The following FDFT1 variants were observed in gnomAD, a reference collection of about 807,000 sequenced individuals.
FDFT1 encodes the protein squalene synthase.
FDFT1 carries 68 observed loss-of-function variants against 46.8 expected under a neutral mutation model. The observed-to-expected ratio is 1.45, with a 90% CI of 1.19 to 1.78. The LOEUF is 1.78. Among genes scored for constraint, FDFT1 ranks in the 40% most tolerant of loss-of-function variants. FDFT1 has a pLI of 0.00. For missense variants in FDFT1, 928 were observed against 524.4 expected, an observed-to-expected ratio of 1.77 and a Z score of -7.52; for synonymous variants, 351 against 185.1, an observed-to-expected ratio of 1.90 and a Z score of -7.28.
At chr8:11,800,043 T>A (rs1245245172), upstream of FDFT1, among the ~76,000 whole-genome samples, 1 of 143,788 alleles carries the variant, frequency 7.0e-6, no homozygotes, top group African/African-American at 2.5e-5. Context: ...GGGTGGATCA[T>A]GAGGTCAGGA....
rs760854765 is a variant in FDFT1, at chr8:11,821,812, G to T, written c.444G>T (p.Arg148=). The T allele has an allele frequency of 3.1e-6, 5 of 1,613,672 alleles. No individual in the cohort carries two copies. The highest frequency in any genetic ancestry group is 4.2e-6 in the Non-Finnish European group (5 of 1,179,756). Residue 148 remains arginine (R), a synonymous_variant, in exon 4 of 8, where the codon CGG becomes CGT. Transcript: ENST00000220584. The stretch of plus-strand genomic sequence containing the variant: ...AAACAGTGATTGCCGACATTTGCCG[G>T]AGAATGGGCATTGGGATGGCAGAGT... ...KYQTVIADIC[R]RMGIGMAEFL... is the part of the protein sequence containing the mutation.
intron 1 of FDFT1, among the ~76,000 whole-genome samples, chr8:11,806,767 A>AAG (rs1806898924): frequency 1.3e-5 from 2 of 152,218 alleles, no homozygotes; most frequent in East Asian, 3.9e-4. Flanking sequence ...TCACTCTGAA[A>AAG]TCCTGCCTCT....
At chr8:11,831,336 G>T (rs1199148974) in intron 6 of FDFT1, among the ~76,000 whole-genome samples, 182 bp from the exon 7 acceptor site, 1 of 152,188 alleles carries the variant, frequency 6.6e-6, no homozygotes, top group Non-Finnish European at 1.5e-5. Flanking sequence ...AGAAAGGGAG[G>T]AGTGGGGAAG....
intron 3 of FDFT1, among the ~76,000 whole-genome samples, chr8:11,811,531 C>A (rs1350738783): frequency 6.6e-6 from 1 of 152,174 alleles, no homozygotes; most frequent in African/African-American, 2.4e-5. Flanking sequence ...GGGAATATCG[C>A]CGTCAGATTT....
intron 7 of FDFT1, among the ~76,000 whole-genome samples, chr8:11,836,351 C>G (rs933736721): frequency 2.1e-4 from 32 of 152,226 alleles, no homozygotes; most frequent in Admixed American, 1.3e-3. Flanking sequence ...CAACCAGTTT[C>G]CAAGTAGGGC....
In FDFT1 at chr8:11,823,511, C is replaced by A. The variant is rs575989402; in HGVS notation, c.510+1633C>A. ...TTTGTCCCAGAACAAATTTCAAGTG[C>A]TTTCTCTTCACCTGTGCATTCTTCC... On this transcript the variant is annotated intron_variant, in intron 4 of 7. Transcript: ENST00000220584. 5.3e-5 allele frequency among the ~76,000 whole-genome samples: 8 copies of A among 152,226 alleles called. No individual in the cohort carries two copies. In the South Asian group the frequency reaches 1.7e-3, roughly 32 times the overall value.
rs146313145 is a variant in FDFT1, at chr8:11,813,264, G to A, written c.381+3414G>A. On this transcript the variant is annotated intron_variant, in intron 3 of 7. Transcript: ENST00000220584. ...CCTGGTACTAGTGGAAAGCTAGAAG[G>A]CTTAGAAGTCTACCTGTAAACATAG... Among the ~76,000 whole-genome samples, 3 of 152,152 alleles carry A rather than the reference G, an allele frequency of 2.0e-5. No individual in the cohort carries two copies. The South Asian group carries it at 6.2e-4, about 32-fold the overall frequency.
intron 7 of FDFT1, among the ~76,000 whole-genome samples, chr8:11,834,821 G>A (rs764642211): frequency 2.6e-5 from 4 of 152,150 alleles, no homozygotes; most frequent in Non-Finnish European, 4.4e-5. Context: ...ATTTATAGGA[G>A]CCTGTGTCAT....
chr8:11,803,060 G>C (rs1349525164), intron 1 of FDFT1, 129 bp downstream of exon 1: 153 of 1,456,628 alleles, frequency 1.1e-4, no homozygotes, highest in Non-Finnish European at 1.3e-4. Context: ...GGGTGTTCCC[G>C]TCCCCCTTTC....
intron 4 of FDFT1, among the ~76,000 whole-genome samples, chr8:11,823,581 CTT>C (rs954964448): frequency 2.7e-5 from 4 of 146,414 alleles, no homozygotes; most frequent in South Asian, 4.3e-4. Flanking sequence ...TCAGAGACGA[CTT>C]TTTTTTTTTG....
Position 11,810,667 on chromosome 8 carries a change from C to G in FDFT1, c.381+817C>G, listed in dbSNP as rs372575649. Among the ~76,000 whole-genome samples the G allele has an allele frequency of 2.6e-4, 39 of 152,280 alleles. No individual in the cohort carries two copies. In the South Asian group the frequency reaches 6.6e-3, roughly 26 times the overall value. ...CATGTGGACATCTGCCTAGGTCCTA[C>G]TATCCTAGAATTCGCATGTCTTATC... On this transcript the variant is annotated intron_variant, in intron 3 of 7. Coordinates refer to ENST00000220584, the MANE Select transcript of FDFT1 (RefSeq NM_004462.5).
In FDFT1 at chr8:11,808,801, T is replaced by G. The variant is rs1274908657; in HGVS notation, c.107T>G (p.Leu36Arg). 1 of 1,613,318 alleles carries G rather than the reference T, an allele frequency of 6.2e-7. No individual in the cohort carries two copies. Among genetic ancestry groups the G allele is most frequent in the Non-Finnish European group, 8.5e-7 (1 of 1,179,844 alleles). Residue 36 changes from leucine (L) to arginine (R), a missense_variant, in exon 2 of 8, where the codon CTC becomes CGC. By Grantham distance (102) the Leu-to-Arg change is moderately radical. Coordinates refer to ENST00000220584, the MANE Select transcript of FDFT1 (RefSeq NM_004462.5). The part of the protein sequence containing the change: ...KVMPKMDQDS[L>R]SSSLKTCYKY... ...TGTGTTGTCTGCCCGCAGGACTCGCTCAGCAGCAGCCTGAAAACTTGCTAC... is the reference window on the plus strand; with the variant it reads ...TGTGTTGTCTGCCCGCAGGACTCGCGCAGCAGCAGCCTGAAAACTTGCTAC...
rs1807332055 is a variant in FDFT1, at chr8:11,809,061, C to G, written c.197+170C>G. On this transcript the variant is annotated intron_variant, in intron 2 of 7. Coordinates refer to ENST00000220584, the MANE Select transcript of FDFT1 (RefSeq NM_004462.5). ...TTACTTTAGAAAGCCCTTCCAGGCT[C>G]TTTGCCATCTAGTAGAGTCCCTGCG... is the stretch of plus-strand genomic sequence containing the variant. 4 of 1,329,498 alleles carry G rather than the reference C, an allele frequency of 3.0e-6. No homozygotes were observed. In the South Asian group the frequency reaches 4.6e-5, roughly 15 times the overall value. 82.4% of individuals were successfully genotyped at this position (1,329,498 alleles called of 1,614,324 possible).
intron 5 of FDFT1, among the ~76,000 whole-genome samples, 166 bp from the exon 6 acceptor site, chr8:11,830,078 C>T (rs1219469722): frequency 6.6e-6 from 1 of 152,140 alleles, no homozygotes; most frequent in Non-Finnish European, 1.5e-5. Flanking sequence ...GAACTCCTGA[C>T]CTCGTGATCC....
chr8:11,806,669 A>G (rs1407060459), intron 1 of FDFT1, among the ~76,000 whole-genome samples: 1 of 152,198 alleles, frequency 6.6e-6, no homozygotes, highest in Non-Finnish European at 1.5e-5. Flanking sequence ...CAGTGCAGTT[A>G]AAAACACTTC....
chr8:11,833,619 G>T (rs1811158316), intron 7 of FDFT1, among the ~76,000 whole-genome samples: 1 of 152,182 alleles, frequency 6.6e-6, no homozygotes. Flanking sequence ...GAGGGCGAGG[G>T]TGGGCAGTCT....
At chr8:11,809,020 G>GC in intron 2 of FDFT1, 129 bp downstream of exon 2, 2 of 1,419,088 alleles carry the variant, frequency 1.4e-6, no homozygotes, top group South Asian at 1.3e-5. Context: ...CCAGAACATA[G>GC]CCCGGCCCTA....
At chr8:11,801,359 C>T (rs1465013100), upstream of FDFT1, among the ~76,000 whole-genome samples, 1 of 152,138 alleles carries the variant, frequency 6.6e-6, no homozygotes, top group African/African-American at 2.4e-5. Flanking sequence ...CGCTCTTGTC[C>T]CCCAGGCTGG....
chr8:11,832,725 G>A (rs73663016), intron 7 of FDFT1, among the ~76,000 whole-genome samples: 1,829 of 152,008 alleles, frequency 0.012, 30 homozygotes, highest in African/African-American at 0.042. Flanking sequence ...GGCAGGAATC[G>A]GGTGCTACTG....
Sources: allele counts gnomAD v4.1 joint callset (sites outside exome capture counted in the v4.1 genomes callset), GRCh38; gene constraint gnomAD v4.1.1; transcripts MANE v1.5; gene names NCBI Gene and HGNC (gene_info 2026-07-23, HGNC 2026-07-21).